The following EPS15 variants were observed in gnomAD, a reference collection of about 807,000 sequenced individuals.
The protein encoded by EPS15 is epidermal growth factor receptor substrate 15.
Under a neutral mutation model 113.8 loss-of-function variants are expected in EPS15, and 72 were observed. The ratio of observed to expected loss-of-function variants is 0.63; its 90% CI spans 0.52 to 0.77. The LOEUF (loss-of-function observed/expected upper bound fraction) is 0.77. EPS15 is among the 30% of genes least tolerant of loss of function. The pLI, the probability that EPS15 is intolerant of heterozygous loss-of-function variation, is 0.00. For synonymous variants in EPS15, 344 were observed against 363.4 expected, an observed-to-expected ratio of 0.95 and a Z score of 0.61; for missense variants, 1,048 against 1,045.8, an observed-to-expected ratio of 1.00 and a Z score of -0.03.
At chr1:51,439,887 T>C (rs1397926983) in intron 12 of EPS15, among the ~76,000 whole-genome samples, 1 of 152,086 alleles carries the variant, frequency 6.6e-6, no homozygotes, top group African/African-American at 2.4e-5. Flanking sequence ...ATGAAAGCTC[T>C]TGGCATGGTG....
chr1:51,492,946 AGCCGGGCGCGGTG>A (rs1449367465), intron 1 of EPS15, among the ~76,000 whole-genome samples: 3 of 152,168 alleles, frequency 2.0e-5, no homozygotes, highest in Non-Finnish European at 4.4e-5. Context: ...CAAAAACAAC[AGCCGGGCGCGGTG>A]GCTCACGCCT....
At chr1:51,389,262 TCAA>T (rs561964979) in intron 21 of EPS15, among the ~76,000 whole-genome samples, 2,924 of 152,258 alleles carry the variant, frequency 0.019, 44 homozygotes, top group Non-Finnish European at 0.031. Flanking sequence ...TTGACAAAAT[TCAA>T]CAACCCTTCA....
At chr1:51,393,629 C>G (rs759244074) in intron 21 of EPS15, among the ~76,000 whole-genome samples, 5 of 152,202 alleles carry the variant, frequency 3.3e-5, no homozygotes, top group Non-Finnish European at 5.9e-5. Context: ...CTATTTTCAG[C>G]ATAATATTAG....
intron 13 of EPS15, among the ~76,000 whole-genome samples, chr1:51,419,438 T>G (rs936392482): frequency 6.6e-6 from 1 of 152,114 alleles, no homozygotes; most frequent in Admixed American, 6.6e-5. Flanking sequence ...CTTTAAAAGT[T>G]TGATTTCTGT....
chr1:51,428,854 G>A (rs1363173144), intron 12 of EPS15, among the ~76,000 whole-genome samples: 4 of 150,160 alleles, frequency 2.7e-5, no homozygotes, highest in Non-Finnish European at 5.9e-5. Context: ...AAAAAAGTGA[G>A]GGTAAGGCAG....
At chr1:51,508,350 A>AAG (rs1491016006) in intron 1 of EPS15, among the ~76,000 whole-genome samples, 2 of 144,110 alleles carry the variant, frequency 1.4e-5, no homozygotes, top group Non-Finnish European at 3.1e-5. Context: ...GAAAGAAAGA[A>AAG]AGAAAGAAAG....
chr1:51,410,392 CAAAAAA>C (rs575050577), intron 13 of EPS15, among the ~76,000 whole-genome samples: 5 of 97,764 alleles, frequency 5.1e-5, no homozygotes, highest in Admixed American at 1.1e-4. Flanking sequence ...ACACTGTCTC[CAAAAAA>C]AAAAAAAAGA....
At chr1:51,500,843 G>T (rs964259123) in intron 1 of EPS15, among the ~76,000 whole-genome samples, 2 of 151,952 alleles carry the variant, frequency 1.3e-5, no homozygotes, top group Non-Finnish European at 2.9e-5. Flanking sequence ...TATTAGCAGG[G>T]CATGGTGGCA....
At chr1:51,477,704 A>G (rs962997979) in intron 2 of EPS15, among the ~76,000 whole-genome samples, 1 of 151,938 alleles carries the variant, frequency 6.6e-6, no homozygotes, top group African/African-American at 2.4e-5. Flanking sequence ...CCTTCATTTC[A>G]TTATGTACCC....
chr1:51,482,608 G>GCCTCCCAAGTA (rs1644040744), intron 1 of EPS15, among the ~76,000 whole-genome samples: 1 of 152,054 alleles, frequency 6.6e-6, no homozygotes, highest in South Asian at 2.1e-4. Flanking sequence ...CAGCATTACA[G>GCCTCCCAAGTA]GCGTGCACCA....
At chr1:51,508,020 C>T (rs1003907023) in intron 1 of EPS15, among the ~76,000 whole-genome samples, 1 of 151,462 alleles carries the variant, frequency 6.6e-6, no homozygotes, top group African/African-American at 2.4e-5. Context: ...ACTAAAAATA[C>T]AAAATACAAA....
chr1:51,502,234 C>T (rs1644426243), intron 1 of EPS15, among the ~76,000 whole-genome samples: 1 of 152,156 alleles, frequency 6.6e-6, no homozygotes, highest in African/African-American at 2.4e-5. Flanking sequence ...CACTGCACTC[C>T]AGCCTGAGCA....
chr1:51,449,507 C>T (rs746465593), intron 8 of EPS15, among the ~76,000 whole-genome samples: 14 of 149,256 alleles, frequency 9.4e-5, no homozygotes, highest in Non-Finnish European at 1.8e-4. Flanking sequence ...ATAATCTGCA[C>T]ACCAAACCCC....
intron 1 of EPS15, among the ~76,000 whole-genome samples, chr1:51,483,374 T>C (rs1023058639): frequency 4.0e-5 from 6 of 151,614 alleles, no homozygotes; most frequent in African/African-American, 1.2e-4. Context: ...CACACAGATA[T>C]ATATATTCGA....
At chr1:51,404,766 A>C (rs988578305) in intron 16 of EPS15, among the ~76,000 whole-genome samples, 3 of 152,234 alleles carry the variant, frequency 2.0e-5, no homozygotes, top group African/African-American at 7.2e-5. Flanking sequence ...ATCCAGGTGC[A>C]CATGACAATC....
intron 21 of EPS15, among the ~76,000 whole-genome samples, chr1:51,379,892 T>C (rs907087157): frequency 6.6e-6 from 1 of 151,962 alleles, no homozygotes; most frequent in African/African-American, 2.4e-5. Context: ...TGAGACTCCA[T>C]CTCTGCTAAA....
chr1:51,422,207 G>A (rs1650822996), intron 12 of EPS15: 1 of 285,386 alleles, frequency 3.5e-6, no homozygotes, highest in Non-Finnish European at 6.0e-6. Context: ...AGGAGGGGTT[G>A]CATCAGCTCT....
intron 1 of EPS15, among the ~76,000 whole-genome samples, chr1:51,515,211 T>C (rs1320766676): frequency 1.3e-5 from 2 of 152,048 alleles, no homozygotes; most frequent in Non-Finnish European, 2.9e-5. Flanking sequence ...ATTTATATAC[T>C]AGGATTTTTA....
intron 11 of EPS15, among the ~76,000 whole-genome samples, chr1:51,443,079 T>A (rs979625634): frequency 2.6e-5 from 4 of 152,128 alleles, no homozygotes; most frequent in African/African-American, 9.7e-5. Flanking sequence ...AGTGATAAAT[T>A]CCCATTTCAA....
Sources: gnomAD v4.1 joint callset for allele counts (sites outside exome capture counted in the v4.1 genomes callset) on GRCh38, gnomAD v4.1.1 for gene constraint, MANE v1.5 for transcripts, NCBI Gene and HGNC (gene_info 2026-07-23, HGNC 2026-07-21) for gene names.